The following HTR7 variants were observed in gnomAD, a reference collection of about 807,000 sequenced individuals.
HTR7 encodes 5-HT-7.
Under a neutral mutation model 34.0 loss-of-function variants are expected in HTR7, and 16 were observed. The observed-to-expected ratio is 0.47, with a 90% CI of 0.32 to 0.71. HTR7 has a LOEUF of 0.71. HTR7 is among the 30% of genes least tolerant of loss of function. The probability of loss-of-function intolerance (pLI) is 0.04; values close to 1 mark genes in which losing one functional copy is unlikely to be tolerated. For missense variants in HTR7, 504 were observed against 625.5 expected (o/e 0.81, Z 2.07); for synonymous variants, 265 against 260.2 (o/e 1.02, Z -0.18).
chr10:90,791,757 T>C (rs1295880097), intron 1 of HTR7, among the ~76,000 whole-genome samples: 1 of 152,182 alleles, frequency 6.6e-6, no homozygotes, highest in African/African-American at 2.4e-5. Flanking sequence ...AAGTTGAAGC[T>C]GAATAATTTT....
intron 1 of HTR7, among the ~76,000 whole-genome samples, chr10:90,844,617 C>T (rs1349128081): frequency 6.7e-6 from 1 of 150,344 alleles, no homozygotes; most frequent in Non-Finnish European, 1.5e-5. Context: ...GTCCCAGCTA[C>T]TCGGGAGGCT....
At chr10:90,754,079 A>G (rs1016773358) in intron 1 of HTR7, among the ~76,000 whole-genome samples, 3 of 152,116 alleles carry the variant, frequency 2.0e-5, no homozygotes, top group Non-Finnish European at 2.9e-5. Flanking sequence ...CACTATTTTA[A>G]GAACAAAATA....
chr10:90,767,499 A>G (rs1307967522), intron 1 of HTR7, among the ~76,000 whole-genome samples: 1 of 152,174 alleles, frequency 6.6e-6, no homozygotes, highest in East Asian at 1.9e-4. Context: ...TAATCTCCCA[A>G]TGAGCTGTGG....
chr10:90,786,669 C>T (rs1168260630), intron 1 of HTR7, among the ~76,000 whole-genome samples: 2 of 152,008 alleles, frequency 1.3e-5, no homozygotes, highest in Non-Finnish European at 2.9e-5. Flanking sequence ...ATAAGCAGGA[C>T]ATTAAAATGC....
At chr10:90,800,101 CAG>C in intron 1 of HTR7, among the ~76,000 whole-genome samples, 1 of 152,266 alleles carries the variant, frequency 6.6e-6, no homozygotes, top group East Asian at 1.9e-4. Flanking sequence ...TAAATGACAA[CAG>C]AAATTCTACA....
chr10:90,846,843 G>C (rs773925089), intron 1 of HTR7, among the ~76,000 whole-genome samples: 4 of 152,218 alleles, frequency 2.6e-5, no homozygotes, highest in Non-Finnish European at 5.9e-5. Context: ...AGGGGGAAGG[G>C]GAGGACGGAG....
At chr10:90,797,282 G>A (rs1320154102) in intron 1 of HTR7, among the ~76,000 whole-genome samples, 4 of 151,974 alleles carry the variant, frequency 2.6e-5, no homozygotes, top group Admixed American at 6.6e-5. Flanking sequence ...CACATTTTAC[G>A]GAGAAGGAAA....
At chr10:90,791,180 A>G (rs183354583) in intron 1 of HTR7, among the ~76,000 whole-genome samples, 586 of 152,226 alleles carry the variant, frequency 3.8e-3, no homozygotes, top group South Asian at 0.011. Context: ...GTGGGACACA[A>G]ACTCAAAAAA....
chr10:90,818,115 T>G (rs1845924263), intron 1 of HTR7, among the ~76,000 whole-genome samples: 1 of 152,242 alleles, frequency 6.6e-6, no homozygotes, highest in South Asian at 2.1e-4. Context: ...TGTGTTCATA[T>G]GTTGGAATCT....
chr10:90,848,069 C>CT (rs61675028), intron 1 of HTR7, among the ~76,000 whole-genome samples: 7,622 of 112,066 alleles, frequency 0.068, 369 homozygotes, highest in African/African-American at 0.11. Context: ...TCTCTTTGTT[C>CT]TTTTTTTTTT....
At chr10:90,817,913 C>T (rs1405915210) in intron 1 of HTR7, among the ~76,000 whole-genome samples, 2 of 152,126 alleles carry the variant, frequency 1.3e-5, no homozygotes, top group Admixed American at 1.3e-4. Flanking sequence ...ATATACACTG[C>T]AATATCCATG....
intron 1 of HTR7, among the ~76,000 whole-genome samples, chr10:90,838,124 C>T (rs978930957): frequency 3.3e-5 from 5 of 152,126 alleles, no homozygotes; most frequent in African/African-American, 1.2e-4. Context: ...CAATTTTTTA[C>T]CTCTAGTCCT....
intron 1 of HTR7, among the ~76,000 whole-genome samples, chr10:90,762,727 C>G (rs547643255): frequency 1.3e-5 from 2 of 152,046 alleles, no homozygotes; most frequent in Non-Finnish European, 2.9e-5. Context: ...TATAAAGGAG[C>G]TTTTACCCGG....
intron 1 of HTR7, among the ~76,000 whole-genome samples, chr10:90,823,992 C>T (rs1474161364): frequency 6.6e-6 from 1 of 152,212 alleles, no homozygotes; most frequent in Admixed American, 6.5e-5. Flanking sequence ...AACCCCTTTT[C>T]TTCATAAATT....
At chr10:90,795,114 A>G (rs1845518185) in intron 1 of HTR7, among the ~76,000 whole-genome samples, 1 of 152,226 alleles carries the variant, frequency 6.6e-6, no homozygotes, top group Non-Finnish European at 1.5e-5. Context: ...TGCTGCAATG[A>G]ACATGAGATT....
intron 2 of HTR7, among the ~76,000 whole-genome samples, chr10:90,745,259 C>T (rs564081150): frequency 1.3e-4 from 20 of 152,248 alleles, no homozygotes; most frequent in South Asian, 2.1e-4. Context: ...CCAATAGATT[C>T]CATGTCTGGT....
chr10:90,748,668 T>C (rs574265872), intron 2 of HTR7, among the ~76,000 whole-genome samples, 171 bp downstream of exon 2: 2 of 152,350 alleles, frequency 1.3e-5, no homozygotes, highest in Admixed American at 1.3e-4. Context: ...TTTTGGCTTT[T>C]GGAATTTTAC....
chr10:90,785,862 G>C lies in HTR7; in HGVS notation c.540-36268C>G, dbSNP rs114494131. On this transcript the variant is annotated intron_variant, in intron 1 of 3. Coordinates refer to ENST00000336152, the MANE Select transcript of HTR7 (RefSeq NM_019859.4). Reference sequence around the variant, plus strand: ...AGAATACAGCAATCCACAAAGTCTTGTGGCCTTGACGCCCCTTCTTGGGAG... The same window carrying C: ...AGAATACAGCAATCCACAAAGTCTTCTGGCCTTGACGCCCCTTCTTGGGAG... Among the ~76,000 whole-genome samples the C allele has an allele frequency of 6.0e-3, 917 of 152,256 alleles. 12 individuals are homozygous for C. Among genetic ancestry groups the C allele is most frequent in the African/African-American group, 0.021 (877 of 41,540 alleles).
chr10:90,796,721 T>C (rs965715216), intron 1 of HTR7, among the ~76,000 whole-genome samples: 14 of 151,952 alleles, frequency 9.2e-5, no homozygotes, highest in Non-Finnish European at 1.9e-4. Context: ...CTAAAATGAT[T>C]AAAAAACAGA....
Sources: allele counts gnomAD v4.1 joint callset (sites outside exome capture counted in the v4.1 genomes callset), GRCh38; gene constraint gnomAD v4.1.1; transcripts MANE v1.5; gene names NCBI Gene and HGNC (gene_info 2026-07-23, HGNC 2026-07-21).